Variants in SEMA4D observed in about 807,000 individuals in gnomAD.
SEMA4D encodes semaphorin 4D.
A neutral mutation model predicts 74.8 loss-of-function variants in SEMA4D; 22 were observed. The observed-to-expected ratio is 0.29, with a 90% CI of 0.21 to 0.42. The LOEUF (loss-of-function observed/expected upper bound fraction) is 0.42. Ranked by LOEUF, SEMA4D falls within the 10% of genes least tolerant of loss-of-function variation. The probability of loss-of-function intolerance (pLI) is 1.00; values close to 1 mark genes in which losing one functional copy is unlikely to be tolerated. For synonymous variants in SEMA4D, 445 were observed against 463.7 expected (o/e 0.96, Z 0.52); for missense variants, 937 against 1,118.4 (o/e 0.84, Z 2.31).
At chr9:89,448,550 TG>T (rs1853546581) in intron 2 of SEMA4D, among the ~76,000 whole-genome samples, 1 of 152,126 alleles carries the variant, frequency 6.6e-6, no homozygotes, top group African/African-American at 2.4e-5. Context: ...CAGGCTGCCG[TG>T]GGGGCCACAG....
At chr9:89,422,039 T>C (rs1847075648) in intron 2 of SEMA4D, among the ~76,000 whole-genome samples, 1 of 152,196 alleles carries the variant, frequency 6.6e-6, no homozygotes, top group African/African-American at 2.4e-5. Flanking sequence ...ACAGTAATTG[T>C]AGAAAATTTG....
intron 2 of SEMA4D, among the ~76,000 whole-genome samples, chr9:89,424,688 A>G (rs1032165768): frequency 1.4e-5 from 2 of 139,988 alleles, no homozygotes; most frequent in Non-Finnish European, 3.1e-5. Context: ...GCCCTCCCCC[A>G]CCTCTGCCCA....
At chr9:89,384,575 A>G in intron 13 of SEMA4D, 1 of 837,088 alleles carries the variant, frequency 1.2e-6, no homozygotes, top group Non-Finnish European at 1.4e-6. Flanking sequence ...ATGGCTGCAA[A>G]ACAACGTGAA....
intron 2 of SEMA4D, among the ~76,000 whole-genome samples, chr9:89,445,852 C>A (rs1333809031): frequency 6.6e-6 from 1 of 152,170 alleles, no homozygotes; most frequent in Non-Finnish European, 1.5e-5. Flanking sequence ...AGGCCTCAGG[C>A]GGGTTCCCTA....
intron 16 of SEMA4D, chr9:89,364,055 A>C: frequency 6.2e-7 from 1 of 1,601,564 alleles, no homozygotes; most frequent in Non-Finnish European, 8.5e-7. Context: ...GTTGGACCTG[A>C]AGTGACTTGG....
intron 2 of SEMA4D, among the ~76,000 whole-genome samples, chr9:89,433,120 A>G (rs371352494): frequency 1.3e-5 from 2 of 152,372 alleles, no homozygotes; most frequent in African/African-American, 4.8e-5. Flanking sequence ...TCCTGGGCAC[A>G]GGGCAAAAGC....
chr9:89,421,640 A>C (rs925876594), intron 2 of SEMA4D, among the ~76,000 whole-genome samples: 2 of 152,252 alleles, frequency 1.3e-5, no homozygotes, highest in Non-Finnish European at 2.9e-5. Flanking sequence ...TTTCTATACA[A>C]ATTATTGCAC....
chr9:89,397,839 T>C (rs1841332122), intron 5 of SEMA4D, among the ~76,000 whole-genome samples: 1 of 152,190 alleles, frequency 6.6e-6, no homozygotes, highest in South Asian at 2.1e-4. Context: ...TTGACCACCA[T>C]TGAGGAAGAA....
At chr9:89,451,654 T>C (rs1258756308) in intron 2 of SEMA4D, among the ~76,000 whole-genome samples, 1 of 152,180 alleles carries the variant, frequency 6.6e-6, no homozygotes. Flanking sequence ...AGGTGACAAA[T>C]TTCAGTACCT....
At chr9:89,487,176 A>G (rs904520882) in intron 1 of SEMA4D, among the ~76,000 whole-genome samples, 1 of 149,930 alleles carries the variant, frequency 6.7e-6, no homozygotes, top group Non-Finnish European at 1.5e-5. Context: ...ACAAATATAT[A>G]AAAAAGATAC....
In SEMA4D at chr9:89,422,404, G is replaced by T. The variant is rs1053086176; in HGVS notation, c.-243-16705C>A. 2.6e-5 allele frequency among the ~76,000 whole-genome samples: 4 copies of T among 152,334 alleles called. No individual in the cohort carries two copies. In the South Asian group the frequency reaches 8.3e-4, roughly 32 times the overall value. Reference sequence around the variant, plus strand: ...CCACAGCAACCGCACAGGACGGTTGGGGGGCCCTGCTGGCTCTGTAACATG... The same window carrying T: ...CCACAGCAACCGCACAGGACGGTTGTGGGGCCCTGCTGGCTCTGTAACATG... On this transcript the variant is annotated intron_variant, in intron 2 of 15. Coordinates refer to ENST00000422704, the MANE Select transcript of SEMA4D (RefSeq NM_001371194.2).
At chr9:89,419,933 C>T (rs750411707) in intron 2 of SEMA4D, among the ~76,000 whole-genome samples, 2 of 152,066 alleles carry the variant, frequency 1.3e-5, no homozygotes, top group Non-Finnish European at 2.9e-5. Flanking sequence ...AACAAAAAAA[C>T]ACCTGAAAAA....
At chr9:89,418,290 G>T in intron 2 of SEMA4D, 1 of 802,410 alleles carries the variant, frequency 1.2e-6, no homozygotes, top group Non-Finnish European at 1.5e-6. Flanking sequence ...AGACAGCACT[G>T]GGGCAGACAG....
At chr9:89,386,993 C>T (rs567829754) in intron 12 of SEMA4D, among the ~76,000 whole-genome samples, 1 of 152,380 alleles carries the variant, frequency 6.6e-6, no homozygotes, top group East Asian at 1.9e-4. Context: ...AACCTGGCTC[C>T]TCGGCCAGGA....
At chr9:89,477,257 C>CAT (rs1861989176) in intron 1 of SEMA4D, among the ~76,000 whole-genome samples, 2 of 138,630 alleles carry the variant, frequency 1.4e-5, no homozygotes, top group Non-Finnish European at 1.5e-5. Flanking sequence ...CATGCACGTA[C>CAT]ACACACACAC....
rs754159405 is a variant in SEMA4D, at chr9:89,450,659, GGAAAAAAAAAAA to G, written c.-244+5217_-244+5228del. 212 of 421,094 alleles carry G rather than the reference GGAAAAAAAAAAA, an allele frequency of 5.0e-4. 2 individuals are homozygous for G. Among genetic ancestry groups the G allele is most frequent in the Admixed American group, 9.5e-4 (21 of 22,196 alleles). The allele number at this position is 421,094 out of a possible 1,614,324, so 26.1% of individuals were successfully genotyped here. A position where few individuals can be genotyped will look rare whatever the true frequency, so the allele number is the denominator to read the frequency against. On this transcript the variant is annotated intron_variant, in intron 2 of 15. Coordinates refer to ENST00000422704, the MANE Select transcript of SEMA4D (RefSeq NM_001371194.2). ...AGAGTTCTGCAAGTCGAAAAACCCA[GGAAAAAAAAAAA>G]AAAAAAAAAAAAAAAAGGCCTCCAA...
At chr9:89,481,084 C>T (rs549946267) in intron 1 of SEMA4D, among the ~76,000 whole-genome samples, 10 of 152,382 alleles carry the variant, frequency 6.6e-5, no homozygotes, top group African/African-American at 2.2e-4. Context: ...ACCTGGGACA[C>T]ACTAGGCAGG....
At chr9:89,452,182 G>GTTTTT (rs748453753) in intron 2 of SEMA4D, among the ~76,000 whole-genome samples, 27 of 135,416 alleles carry the variant, frequency 2.0e-4, no homozygotes, top group Non-Finnish European at 2.2e-4. Flanking sequence ...GGTTTTTTTT[G>GTTTTT]TTTTTTTTTT....
At position 89,390,893 on chromosome 9, in the gene SEMA4D, C is replaced by G. The variant is rs539358241; in HGVS notation, c.774+371G>C. On this transcript the variant is annotated intron_variant, in intron 9 of 15. Transcript: ENST00000422704. Reference sequence around the variant, plus strand: ...TGACAAACTTCTGTATTGGTTCTCTCTTCTTAATCTTAAGCTGTCGGTTAA... The same window carrying G: ...TGACAAACTTCTGTATTGGTTCTCTGTTCTTAATCTTAAGCTGTCGGTTAA... Among the ~76,000 whole-genome samples the G allele has an allele frequency of 4.6e-5, 7 of 152,364 alleles. No individual in the cohort carries two copies. In the South Asian group the frequency reaches 1.0e-3, roughly 23 times the overall value.
Sources: gnomAD v4.1 joint callset for allele counts (sites outside exome capture counted in the v4.1 genomes callset) on GRCh38, gnomAD v4.1.1 for gene constraint, MANE v1.5 for transcripts, NCBI Gene and HGNC (gene_info 2026-07-23, HGNC 2026-07-21) for gene names.